The following INSYN2B variants were observed in gnomAD, a reference collection of about 807,000 sequenced individuals.
The protein encoded by INSYN2B is protein INSYN2B.
A neutral mutation model predicts 41.2 loss-of-function variants in INSYN2B; 16 were observed. The ratio of observed to expected loss-of-function variants is 0.39; its 90% CI spans 0.26 to 0.59. The LOEUF (loss-of-function observed/expected upper bound fraction) is 0.59, where lower values mean the gene tolerates loss of function less well. Among genes scored for constraint, INSYN2B ranks in the 20% least tolerant of loss-of-function variants. The pLI is 0.57. For synonymous variants in INSYN2B, 245 were observed against 244.4 expected (o/e 1.00, Z -0.02); for missense variants, 608 against 646.4 (o/e 0.94, Z 0.64).
At chr5:169,945,130 C>T (rs1490772780) in intron 1 of INSYN2B, among the ~76,000 whole-genome samples, 2 of 152,114 alleles carry the variant, frequency 1.3e-5, no homozygotes, top group Non-Finnish European at 2.9e-5. Context: ...TTCTCTTGGC[C>T]CCAGAAGAAT....
intron 1 of INSYN2B, among the ~76,000 whole-genome samples, chr5:169,940,435 G>A (rs563776800): frequency 1.3e-5 from 2 of 152,206 alleles, no homozygotes; most frequent in African/African-American, 4.8e-5. Flanking sequence ...CACAGACCGG[G>A]AGGAGGATTC....
At position 169,884,521 on chromosome 5, in the gene INSYN2B, C is replaced by T. The variant is rs1359483517; in HGVS notation, c.-623G>A. ...GGAACATTCCCATTTATGTCAATCA[C>T]AAATTCCTCCTTTGGGGCCATTGTT... On this transcript the variant is annotated 5_prime_UTR_variant, in exon 2 of 4. In the 5' UTR this introduces an upstream ATG that the reference lacks. Coordinates refer to ENST00000377365, the MANE Select transcript of INSYN2B (RefSeq NM_001129891.3). The T allele has an allele frequency of 6.6e-6, 1 of 152,196 alleles. No individual in the cohort carries two copies. Among genetic ancestry groups the T allele is most frequent in the Non-Finnish European group, 1.5e-5 (1 of 68,040 alleles). 9.4% of individuals were successfully genotyped at this position (152,196 alleles called of 1,614,324 possible).
intron 3 of INSYN2B, among the ~76,000 whole-genome samples, chr5:169,872,876 C>T (rs1443168940): frequency 3.3e-5 from 5 of 152,200 alleles, no homozygotes; most frequent in Admixed American, 3.3e-4. Context: ...AATGTTAATC[C>T]TATCCACATT....
intron 1 of INSYN2B, among the ~76,000 whole-genome samples, chr5:169,911,272 G>T (rs559044525): frequency 6.6e-6 from 1 of 152,304 alleles, no homozygotes; most frequent in East Asian, 1.9e-4. Context: ...GCCTTTCTCA[G>T]ATCCTTATTA....
intron 1 of INSYN2B, among the ~76,000 whole-genome samples, chr5:169,897,888 C>T (rs992249895): frequency 1.3e-5 from 2 of 152,210 alleles, no homozygotes; most frequent in African/African-American, 4.8e-5. Flanking sequence ...GAGCTTTCCT[C>T]CCTTGAACGC....
chr5:169,901,579 G>A (rs1390071838), intron 1 of INSYN2B, among the ~76,000 whole-genome samples: 4 of 152,152 alleles, frequency 2.6e-5, no homozygotes, highest in South Asian at 2.1e-4. Context: ...TGTAACAGTC[G>A]TCCAGGTAAC....
chr5:169,952,078 G>T (rs1015783250), intron 1 of INSYN2B, among the ~76,000 whole-genome samples: 4 of 152,100 alleles, frequency 2.6e-5, no homozygotes, highest in Admixed American at 6.5e-5. Context: ...AAGCCCCAAG[G>T]GTTTCTCCTA....
At chr5:169,958,850 C>T (rs1776967141) in intron 1 of INSYN2B, among the ~76,000 whole-genome samples, 1 of 151,986 alleles carries the variant, frequency 6.6e-6, no homozygotes, top group South Asian at 2.1e-4. Flanking sequence ...CTCTGTTTTG[C>T]CAAAAATACT....
At chr5:169,929,708 C>T (rs1325169310) in intron 1 of INSYN2B, among the ~76,000 whole-genome samples, 6 of 145,704 alleles carry the variant, frequency 4.1e-5, no homozygotes, top group Admixed American at 2.1e-4. Flanking sequence ...GATCACTGCA[C>T]TCCAGCCTGG....
chr5:169,957,568 T>G (rs1776920475), intron 1 of INSYN2B, among the ~76,000 whole-genome samples: 1 of 152,194 alleles, frequency 6.6e-6, no homozygotes, highest in Admixed American at 6.5e-5. Flanking sequence ...TGGGACTCCT[T>G]GGTCTGCCTC....
intron 1 of INSYN2B, among the ~76,000 whole-genome samples, chr5:169,964,022 T>C (rs999424234): frequency 4.0e-5 from 6 of 151,674 alleles, no homozygotes; most frequent in South Asian, 2.1e-4. Context: ...AGTGGCAGGA[T>C]TGGGGGAGGG....
At position 169,887,786 on chromosome 5, in the gene INSYN2B, C is replaced by T. The variant is rs978485415; in HGVS notation, c.-918-2970G>A. Among the ~76,000 whole-genome samples the T allele has an allele frequency of 9.2e-5, 14 of 152,274 alleles. No individual in the cohort carries two copies. The South Asian group carries it at 1.4e-3, about 16-fold the overall frequency. ...CAAAGTAGCTGTGCATTTTAGATTT[C>T]GTTGATACTACCATGTTACCACTCA... is the stretch of plus-strand genomic sequence containing the variant. On this transcript the variant is annotated intron_variant, in intron 1 of 3. Transcript: ENST00000377365.
intron 1 of INSYN2B, among the ~76,000 whole-genome samples, chr5:169,933,352 A>T (rs1302923148): frequency 6.6e-6 from 1 of 152,170 alleles, no homozygotes; most frequent in Non-Finnish European, 1.5e-5. Context: ...CCCACCCCTA[A>T]GGATATGATT....
chr5:169,908,258 A>G (rs185312529), intron 1 of INSYN2B, among the ~76,000 whole-genome samples: 1 of 152,282 alleles, frequency 6.6e-6, no homozygotes, highest in Admixed American at 6.5e-5. Flanking sequence ...CCTTGGTGGC[A>G]ACTAGATTTA....
intron 1 of INSYN2B, among the ~76,000 whole-genome samples, chr5:169,949,454 G>A (rs1436975916): frequency 6.6e-6 from 1 of 152,092 alleles, no homozygotes; most frequent in African/African-American, 2.4e-5. Context: ...GCCCAGTTTG[G>A]CTGAAGGGAA....
In INSYN2B at chr5:169,938,686, A is replaced by C. The variant is rs142139001; in HGVS notation, c.-919+41591T>G. On this transcript the variant is annotated intron_variant, in intron 1 of 3. Coordinates refer to ENST00000377365, the MANE Select transcript of INSYN2B (RefSeq NM_001129891.3). Reference sequence around the variant, plus strand: ...TACTGTACACTACTGTAGACTATCAACACTGTACACTTAGGCTATGCTACA... The same window carrying C: ...TACTGTACACTACTGTAGACTATCACCACTGTACACTTAGGCTATGCTACA... 3.0e-3 allele frequency among the ~76,000 whole-genome samples: 457 copies of C among 152,326 alleles called. 3 individuals are homozygous for C. The highest frequency in any genetic ancestry group is 0.011 in the African/African-American group (439 of 41,560).
Position 169,880,515 on chromosome 5 carries a change from C to T in INSYN2B, c.1421+853G>A, listed in dbSNP as rs190567320. 7.2e-5 allele frequency among the ~76,000 whole-genome samples: 11 copies of T among 152,320 alleles called. 1 individual carries two copies. Among genetic ancestry groups the T allele is most frequent in the Admixed American group, 3.3e-4 (5 of 15,304 alleles). ...GGTCAACAAAATTAGATGTCGTCAA[C>T]GGAAATTACTGCTTTTGACCACTTT... On this transcript the variant is annotated intron_variant, in intron 3 of 3. Transcript: ENST00000377365.
At chr5:169,941,980 C>T (rs1776262568) in intron 1 of INSYN2B, among the ~76,000 whole-genome samples, 1 of 152,248 alleles carries the variant, frequency 6.6e-6, no homozygotes, top group Non-Finnish European at 1.5e-5. Context: ...TGTATTATAT[C>T]ATTTCAGTTT....
chr5:169,891,728 T>A (rs1273911413), intron 1 of INSYN2B, among the ~76,000 whole-genome samples: 18 of 152,082 alleles, frequency 1.2e-4, no homozygotes, highest in Admixed American at 1.1e-3. Context: ...TTCACACCCA[T>A]AATCCCAGCA....
Sources: gnomAD v4.1 joint callset for allele counts (sites outside exome capture counted in the v4.1 genomes callset) on GRCh38, gnomAD v4.1.1 for gene constraint, MANE v1.5 for transcripts, NCBI Gene and HGNC (gene_info 2026-07-23, HGNC 2026-07-21) for gene names.